RORA: variants seen among roughly 807,000 people sequenced by gnomAD.
RORA encodes the protein RAR related orphan receptor A.
Under a neutral mutation model 69.5 loss-of-function variants are expected in RORA, and 7 were observed. That is an observed-to-expected ratio of 0.10 (90% CI 0.06 to 0.19). The LOEUF (loss-of-function observed/expected upper bound fraction) is 0.19, where lower values mean the gene tolerates loss of function less well. RORA is among the 10% of genes least tolerant of loss of function. The pLI is 1.00. For missense variants in RORA, 457 were observed against 663.0 expected (o/e 0.69, Z 3.41); for synonymous variants, 261 against 240.8 (o/e 1.08, Z -0.78).
At chr15:60,720,393 T>C (rs1383015669) in intron 1 of RORA, among the ~76,000 whole-genome samples, 1 of 152,224 alleles carries the variant, frequency 6.6e-6, no homozygotes, top group Non-Finnish European at 1.5e-5. Flanking sequence ...ATAGCTAACA[T>C]AATCTAAGTT....
chr15:60,561,021 G>A lies in RORA; in HGVS notation c.197-29170C>T, dbSNP rs191277766. ...CACGTTGGCAGTGATGTTTTAAAAT[G>A]TAAGTGTTTTTATACATGGGAAGTT... is the stretch of plus-strand genomic sequence containing the variant. On this transcript the variant is annotated intron_variant, in intron 2 of 10. Transcript: ENST00000335670. 4.7e-3 allele frequency among the ~76,000 whole-genome samples: 698 copies of A among 147,846 alleles called. 8 individuals are homozygous for A. The highest frequency in any genetic ancestry group is 0.017 in the African/African-American group (672 of 39,790).
intron 1 of RORA, among the ~76,000 whole-genome samples, chr15:61,114,080 A>C (rs939453307): frequency 3.3e-5 from 5 of 152,230 alleles, no homozygotes; most frequent in Admixed American, 6.5e-5. Context: ...GTCACTCCGC[A>C]AAGTTCTTAT....
intron 1 of RORA, among the ~76,000 whole-genome samples, chr15:61,220,681 G>A (rs565872551): frequency 1.2e-4 from 19 of 152,086 alleles, no homozygotes; most frequent in African/African-American, 2.9e-4. Flanking sequence ...GCAGCTCACC[G>A]TGCCCTTCAG....
intron 2 of RORA, among the ~76,000 whole-genome samples, chr15:60,589,887 C>G (rs2068447321): frequency 6.6e-6 from 1 of 152,164 alleles, no homozygotes; most frequent in African/African-American, 2.4e-5. Flanking sequence ...AACAGTATTT[C>G]TGTTTTGCAC....
chr15:60,528,404 C>T (rs1387518783), intron 3 of RORA: 1 of 151,478 alleles, frequency 6.6e-6, no homozygotes, highest in East Asian at 2.0e-4. Context: ...TGTGGCCTTA[C>T]TCTATATTAG....
intron 1 of RORA, among the ~76,000 whole-genome samples, chr15:61,064,894 G>A (rs1331168963): frequency 6.6e-6 from 1 of 152,068 alleles, no homozygotes; most frequent in Non-Finnish European, 1.5e-5. Context: ...CACACATAAT[G>A]AAGCTGCTTC....
At chr15:61,077,746 T>C (rs941772804) in intron 1 of RORA, among the ~76,000 whole-genome samples, 3 of 152,234 alleles carry the variant, frequency 2.0e-5, no homozygotes, top group Non-Finnish European at 4.4e-5. Flanking sequence ...CTAATGCCCA[T>C]AATTCTTTAT....
intron 1 of RORA, among the ~76,000 whole-genome samples, chr15:61,193,444 TC>T (rs1185119391): frequency 6.6e-6 from 1 of 152,108 alleles, no homozygotes; most frequent in Admixed American, 6.6e-5. Flanking sequence ...TTAGACTTTT[TC>T]CCTTAGGTCT....
intron 1 of RORA, among the ~76,000 whole-genome samples, chr15:61,103,048 G>A (rs931310590): frequency 1.3e-5 from 2 of 152,228 alleles, no homozygotes; most frequent in Non-Finnish European, 1.5e-5. Context: ...TTTAATAAAT[G>A]TCTTTATTCA....
At chr15:61,223,253 G>C (rs1359495100) in intron 1 of RORA, among the ~76,000 whole-genome samples, 1 of 137,600 alleles carries the variant, frequency 7.3e-6, no homozygotes, top group Non-Finnish European at 1.5e-5. Flanking sequence ...GGCAGAGGTT[G>C]TACTGAGCTG....
chr15:61,089,783 A>G (rs926815905), intron 1 of RORA, among the ~76,000 whole-genome samples: 5 of 152,170 alleles, frequency 3.3e-5, no homozygotes, highest in African/African-American at 7.2e-5. Flanking sequence ...TGGTTTCCTG[A>G]GTTCCTCTGT....
intron 1 of RORA, among the ~76,000 whole-genome samples, chr15:60,867,405 A>ATTTT (rs2073502337): frequency 6.6e-6 from 1 of 152,172 alleles, no homozygotes; most frequent in Non-Finnish European, 1.5e-5. Context: ...TAGTGTCAGA[A>ATTTT]TTGAGTTTAA....
chr15:60,557,735 G>A (rs1049058220), intron 2 of RORA, among the ~76,000 whole-genome samples: 2 of 152,206 alleles, frequency 1.3e-5, no homozygotes, highest in Admixed American at 6.5e-5. Context: ...AGACATCTCT[G>A]TGATCATGTA....
At chr15:61,177,218 T>A (rs2079637081) in intron 1 of RORA, among the ~76,000 whole-genome samples, 1 of 152,162 alleles carries the variant, frequency 6.6e-6, no homozygotes, top group East Asian at 1.9e-4. Context: ...CTGCTCTGAG[T>A]TAAAGCTAGA....
At chr15:60,909,483 C>G (rs1460746447) in intron 1 of RORA, among the ~76,000 whole-genome samples, 4 of 152,146 alleles carry the variant, frequency 2.6e-5, no homozygotes, top group Non-Finnish European at 5.9e-5. Context: ...TCAAACATAG[C>G]CTTTATCGAA....
intron 1 of RORA, among the ~76,000 whole-genome samples, chr15:60,825,854 C>T (rs1023092789): frequency 2.0e-5 from 3 of 152,196 alleles, no homozygotes; most frequent in African/African-American, 7.2e-5. Context: ...AAGCAGCGGC[C>T]ATCCAGAATA....
intron 1 of RORA, among the ~76,000 whole-genome samples, chr15:61,008,191 TTC>T (rs546893051): frequency 0.014 from 1,938 of 135,156 alleles, 15 homozygotes; most frequent in African/African-American, 0.024. Flanking sequence ...AATTTCAAAA[TTC>T]TCTCTCTCTC....
At chr15:61,123,605 A>G (rs2079120589) in intron 1 of RORA, among the ~76,000 whole-genome samples, 1 of 152,358 alleles carries the variant, frequency 6.6e-6, no homozygotes, top group African/African-American at 2.4e-5. Flanking sequence ...GGCTTAAAAA[A>G]TGTTGATGCT....
chr15:60,814,872 A>C (rs7165718), intron 1 of RORA, among the ~76,000 whole-genome samples: 10,961 of 152,178 alleles, frequency 0.072, 540 homozygotes, highest in Admixed American at 0.13. Flanking sequence ...GGTGCTTCTC[A>C]TCTCCAGCCC....
Sources: gnomAD v4.1 joint callset for allele counts (sites outside exome capture counted in the v4.1 genomes callset) on GRCh38, gnomAD v4.1.1 for gene constraint, MANE v1.5 for transcripts, NCBI Gene and HGNC (gene_info 2026-07-23, HGNC 2026-07-21) for gene names.